The following TRPM5 variants were observed in gnomAD, a reference collection of about 807,000 sequenced individuals.
TRPM5 encodes MLSN1 and TRP-related.
In TRPM5, 121 loss-of-function variants were observed where a neutral mutation model predicts 124.9. The ratio of observed to expected loss-of-function variants is 0.97; its 90% confidence interval spans 0.84 to 1.13. TRPM5 has a LOEUF of 1.13. Ranked by LOEUF, TRPM5 falls within the 50% of genes most tolerant of loss-of-function variation. TRPM5 has a pLI of 0.00. For missense variants in TRPM5, 1,643 were observed against 1,589.1 expected (o/e 1.03, Z -0.58); for synonymous variants, 781 against 700.5 (o/e 1.11, Z -1.81).
At chr11:2,411,379 C>T (rs375093371) in exon 18 of TRPM5, 66 of 1,608,750 alleles carry the variant, frequency 4.1e-5, no homozygotes, top group African/African-American at 1.2e-4. Flanking sequence ...GGGATCTGGC[C>T]GAAGATCTGC....
chr11:2,418,264 G>C (rs780540923), exon 6 of TRPM5: 1 of 1,583,124 alleles, frequency 6.3e-7, no homozygotes, highest in Admixed American at 1.8e-5. Flanking sequence ...CAGGAGGTGG[G>C]GCTGGTTCAC....
At chr11:2,420,509 C>T (rs1211925288) in intron 3 of TRPM5, 104 bp from the exon 9 acceptor site, 1 of 1,210,086 alleles carries the variant, frequency 8.3e-7, no homozygotes, top group Non-Finnish European at 1.1e-6. Flanking sequence ...GCCATGGGGC[C>T]CCGCACAAGG....
rs747138971 is a variant in TRPM5 at position 2,406,096 on chromosome 11, G to A, written c.3252-5C>T. 8.4e-5 allele frequency: 136 copies of A among 1,610,870 alleles called. No homozygotes were observed. The highest frequency in any genetic ancestry group is 9.9e-5 in the South Asian group (9 of 91,088). On this transcript the variant is annotated splice_region_variant and splice_polypyrimidine_tract_variant and intron_variant, in intron 21 of 23. Transcript: ENST00000155858. ...TACTTGGCAATGAAGTCCACTCTGC[G>A]GCAGGAGCAGGTGGTCAGGCTGTGG... is the stretch of plus-strand genomic sequence containing the variant.
chr11:2,424,128 C>T (rs529445565), upstream of TRPM5, among the ~76,000 whole-genome samples: 176 of 152,382 alleles, frequency 1.2e-3, 1 homozygote, highest in Non-Finnish European at 2.2e-3. Context: ...ACAGGGCTGT[C>T]CCTTGGTTCT....
chr11:2,420,517 A>T, intron 3 of TRPM5, 112 bp from the exon 9 acceptor site: 1 of 1,116,910 alleles, frequency 9.0e-7, no homozygotes. Context: ...GCCCCGCACA[A>T]GGCTTCTGCC....
Position 2,407,731 on chromosome 11 carries a change from CTCTCCTCCAGGGGTT to C in TRPM5, c.2936+13_2936+27del. 1 of 1,611,082 alleles carries C rather than the reference CTCTCCTCCAGGGGTT, an allele frequency of 6.2e-7. No homozygotes were observed. Among genetic ancestry groups the C allele is most frequent in the Non-Finnish European group, 8.5e-7 (1 of 1,178,628 alleles). ...CCTCTGCTCCCTCCGCTCCAGGGCT[CTCTCCTCCAGGGGTT>C]GGGTGGAGTCACCTGAACATGGCGA... On this transcript the variant is annotated intron_variant, in intron 19 of 23. Transcript: ENST00000155858.
chr11:2,436,836 G>C, the TRPM5 span, among the ~76,000 whole-genome samples: 1 of 152,274 alleles, frequency 6.6e-6, no homozygotes, highest in Admixed American at 6.5e-5. Flanking sequence ...CATGAGACCA[G>C]CTCAGAGAGT....
intron 18 of TRPM5, among the ~76,000 whole-genome samples, chr11:2,410,229 G>T (rs1231203145): frequency 6.6e-6 from 1 of 152,242 alleles, no homozygotes; most frequent in Admixed American, 6.5e-5. Context: ...GCCGCGCTGG[G>T]AGAGGCGGTT....
Position 2,416,037 on chromosome 11 carries a change from C to A in TRPM5, c.1010-13G>T, listed in dbSNP as rs1460121574. ...TGGCTCTTGCAGGCTGTGGGCAGAG[C>A]AGGCAGGCACTGGTGAGGGTGGAGC... On this transcript the variant is annotated splice_polypyrimidine_tract_variant and intron_variant, in intron 7 of 23. Coordinates refer to ENST00000155858, the Ensembl canonical transcript of TRPM5. 3.8e-6 allele frequency: 6 copies of A among 1,586,154 alleles called. No homozygotes were observed. The highest frequency in any genetic ancestry group is 5.2e-6 in the Non-Finnish European group (6 of 1,163,596).
Position 2,417,576 on chromosome 11 carries a change from A to G in TRPM5, c.1009+151T>C, listed in dbSNP as rs191104386. The G allele has an allele frequency of 8.2e-6, 5 of 607,002 alleles. No individual in the cohort carries two copies. In the African/African-American group the frequency reaches 9.2e-5, roughly 11 times the overall value. 37.6% of individuals were successfully genotyped at this position (607,002 alleles called of 1,614,324 possible). ...AAACACGTCATAAAACTTGCCAAAT[A>G]CAGACAGCTTCATGAATCATGTGTC... On this transcript the variant is annotated intron_variant, in intron 7 of 23. Coordinates refer to ENST00000155858, the Ensembl canonical transcript of TRPM5.
At chr11:2,415,808 G>T in intron 8 of TRPM5, 98 bp downstream of exon 13, 2 of 905,820 alleles carry the variant, frequency 2.2e-6, no homozygotes, top group Admixed American at 2.2e-5. Flanking sequence ...TGGGCAGAAC[G>T]GGCTCAGCCA....
exon 10 of TRPM5, chr11:2,415,029 G>A (rs371022050): frequency 1.2e-5 from 19 of 1,602,246 alleles, no homozygotes; most frequent in African/African-American, 2.7e-5. Context: ...CCCGTGGGCC[G>A]CTTGGCCGGG....
chr11:2,428,287 C>T, the TRPM5 span, among the ~76,000 whole-genome samples: 1 of 152,300 alleles, frequency 6.6e-6, no homozygotes, highest in African/African-American at 2.4e-5. The surrounding 1 kb of genome is among the most constrained non-coding windows in gnomAD (Gnocchi z 4.0). Context: ...CTGTTCGGGG[C>T]CCCTCAAACC....
chr11:2,414,009 G>GGGCGGCCCCCC, intron 12 of TRPM5, 52 bp downstream of exon 17: 1 of 1,023,734 alleles, frequency 9.8e-7, no homozygotes, highest in Non-Finnish European at 1.4e-6. Flanking sequence ...GGCCCAGCTC[G>GGGCGGCCCCCC]CCCGCCCACC....
intron 19 of TRPM5, among the ~76,000 whole-genome samples, chr11:2,407,511 T>C (rs1213447124): frequency 3.3e-5 from 5 of 152,208 alleles, no homozygotes; most frequent in Non-Finnish European, 7.3e-5. Context: ...CCAGAGTTCT[T>C]GCCACAGCAC....
At chr11:2,434,462 C>T in the TRPM5 span, among the ~76,000 whole-genome samples, 1 of 142,308 alleles carries the variant, frequency 7.0e-6, no homozygotes, top group Admixed American at 6.9e-5. Context: ...TGTGTGTGGA[C>T]ACTGTGTGAG....
chr11:2,435,811 A>C, the TRPM5 span, among the ~76,000 whole-genome samples: 7 of 152,004 alleles, frequency 4.6e-5, no homozygotes, highest in African/African-American at 1.5e-4. The surrounding 1 kb of genome is among the most constrained non-coding windows in gnomAD (Gnocchi z 4.1). Flanking sequence ...CCATCACTTC[A>C]CCCACCTGTT....
At chr11:2,435,400 A>C in the TRPM5 span, among the ~76,000 whole-genome samples, 4 of 151,740 alleles carry the variant, frequency 2.6e-5, no homozygotes, top group Non-Finnish European at 5.9e-5. The surrounding 1 kb of genome is among the most constrained non-coding windows in gnomAD (Gnocchi z 4.1). Context: ...CCACCAGCAC[A>C]TATGCACCTC....
chr11:2,424,648 G>C (rs1845821363), upstream of TRPM5, among the ~76,000 whole-genome samples: 1 of 152,260 alleles, frequency 6.6e-6, no homozygotes. Context: ...CACAAGCCAA[G>C]GGACACCTGG....
Sources: allele counts gnomAD v4.1 joint callset (sites outside exome capture counted in the v4.1 genomes callset), GRCh38; gene constraint gnomAD v4.1.1; non-coding constraint Gnocchi (gnomAD v3.1); transcripts MANE v1.5; gene names NCBI Gene and HGNC (gene_info 2026-07-23, HGNC 2026-07-21).